Variants in JPH3 observed in about 807,000 individuals in gnomAD.
The protein encoded by JPH3 is junctophilin 3, also known as junctophilin-3.
In JPH3, 11 loss-of-function variants were observed where a neutral mutation model predicts 59.6. That is an observed-to-expected ratio of 0.18 (90% CI 0.12 to 0.31). JPH3 has a LOEUF of 0.31. Among genes scored for constraint, JPH3 ranks in the 10% least tolerant of loss-of-function variants. The probability of loss-of-function intolerance (pLI) is 1.00; values close to 1 mark genes in which losing one functional copy is unlikely to be tolerated. For missense variants in JPH3, 1,202 were observed against 1,105.7 expected (o/e 1.09, Z -1.24); for synonymous variants, 673 against 483.6 (o/e 1.39, Z -5.14).
At chr16:87,626,976 A>G (rs368092501) in intron 1 of JPH3, among the ~76,000 whole-genome samples, 31 of 152,314 alleles carry the variant, frequency 2.0e-4, no homozygotes, top group African/African-American at 7.0e-4. Flanking sequence ...CCCCATCTCT[A>G]TTTATTAAAA....
chr16:87,635,641 C>G (rs1416415756), intron 1 of JPH3, among the ~76,000 whole-genome samples: 2 of 152,212 alleles, frequency 1.3e-5, no homozygotes, highest in Admixed American at 6.5e-5. Flanking sequence ...GGGGTACAGC[C>G]CTGTGGGGAC....
intron 1 of JPH3, among the ~76,000 whole-genome samples, chr16:87,614,776 G>A (rs574149172): frequency 4.2e-5 from 6 of 143,976 alleles, no homozygotes; most frequent in Admixed American, 1.4e-4. Context: ...CTGCACACAC[G>A]AGGAGCCGCG....
rs868412439 is a variant in JPH3, at chr16:87,644,099, C to G, written c.383-159C>G. 3.3e-5 allele frequency among the ~76,000 whole-genome samples: 5 copies of G among 152,360 alleles called. No individual in the cohort carries two copies. In the South Asian group the frequency reaches 1.0e-3, roughly 32 times the overall value. On this transcript the variant is annotated intron_variant, in intron 1 of 4. Coordinates refer to ENST00000284262, the MANE Select transcript of JPH3 (RefSeq NM_020655.4). ...GCTGTCGTGAGCTGTGATGGTCTCA[C>G]TGCACTCCAGCCTGGGCAACACAGC...
Position 87,645,017 on chromosome 16 carries a change from C to G in JPH3, c.1142C>G (p.Ala381Gly), listed in dbSNP as rs758075712. The change falls in exon 2 of 5, where the codon GCT becomes GGT. Residue 381 changes from alanine (A) to glycine (G), a missense_variant. Transcript: ENST00000284262. ...ERAATIAKQK[A>G]EIAASRTSHS... ...GCCGCCACCATCGCCAAGCAGAAGG[C>G]TGAGATCGCGGCTTCCAGGTAGGAG... The G allele has an allele frequency of 1.2e-6, 2 of 1,603,706 alleles. No homozygotes were observed. Among genetic ancestry groups the G allele is most frequent in the Non-Finnish European group, 1.7e-6 (2 of 1,178,890 alleles).
chr16:87,666,534 G>A (rs2032866726), intron 2 of JPH3, among the ~76,000 whole-genome samples: 1 of 151,926 alleles, frequency 6.6e-6, no homozygotes, highest in South Asian at 2.1e-4. Context: ...TGCAACTACA[G>A]GTGTGCACCA....
intron 1 of JPH3, among the ~76,000 whole-genome samples, chr16:87,633,560 G>A (rs1490270135): frequency 1.3e-5 from 2 of 151,968 alleles, no homozygotes; most frequent in Admixed American, 1.3e-4. Flanking sequence ...CCAGTGCTTT[G>A]GGAGGCCGAG....
In JPH3 at chr16:87,617,087, G is replaced by A. The variant is rs559051796; in HGVS notation, c.382+13559G>A. Among the ~76,000 whole-genome samples the A allele has an allele frequency of 4.6e-5, 7 of 150,770 alleles. No homozygotes were observed. In the East Asian group the frequency reaches 7.7e-4, roughly 17 times the overall value. On this transcript the variant is annotated intron_variant, in intron 1 of 4. Transcript: ENST00000284262. The stretch of plus-strand genomic sequence containing the variant: ...TAAAAATGTAAAATTAGCCGGGTGC[G>A]GTGGTGCGTACCTGTAATCACAGCT...
intron 2 of JPH3, among the ~76,000 whole-genome samples, chr16:87,646,719 G>C (rs1234948042): frequency 6.6e-6 from 1 of 152,158 alleles, no homozygotes; most frequent in Non-Finnish European, 1.5e-5. Flanking sequence ...TTGGGGGCTG[G>C]GGGACAGCGG....
intron 2 of JPH3, among the ~76,000 whole-genome samples, chr16:87,669,936 G>A (rs894949517): frequency 6.6e-6 from 1 of 152,280 alleles, no homozygotes; most frequent in African/African-American, 2.4e-5. Context: ...CTCAGAGGCC[G>A]TGGGTGTGCC....
At chr16:87,621,145 C>G (rs1034256505) in intron 1 of JPH3, among the ~76,000 whole-genome samples, 1 of 151,072 alleles carries the variant, frequency 6.6e-6, no homozygotes, top group Non-Finnish European at 1.5e-5. Context: ...GGCAACAGAG[C>G]GAGACTCTGT....
chr16:87,669,386 C>A (rs2032957022), intron 2 of JPH3, among the ~76,000 whole-genome samples: 1 of 152,198 alleles, frequency 6.6e-6, no homozygotes, highest in Non-Finnish European at 1.5e-5. Context: ...CATCTTTAGG[C>A]TAAAAGCCTA....
chr16:87,689,426 G>T (rs1597293153), intron 3 of JPH3, among the ~76,000 whole-genome samples: 1 of 152,142 alleles, frequency 6.6e-6, no homozygotes, highest in African/African-American at 2.4e-5. Context: ...GGCCTAGCCA[G>T]TCTCCCTCCA....
chr16:87,662,620 C>A (rs2032741015), intron 2 of JPH3, among the ~76,000 whole-genome samples: 1 of 152,222 alleles, frequency 6.6e-6, no homozygotes. Context: ...GGTGGCCCCT[C>A]CAGAGTCTGT....
intron 1 of JPH3, among the ~76,000 whole-genome samples, chr16:87,633,671 C>T (rs1001351870): frequency 4.0e-5 from 6 of 151,772 alleles, no homozygotes; most frequent in East Asian, 1.9e-4. Flanking sequence ...TGGTGGCGGG[C>T]GCCTGTAGTA....
intron 1 of JPH3, among the ~76,000 whole-genome samples, chr16:87,615,520 G>A (rs1052570603): frequency 5.3e-5 from 8 of 152,126 alleles, no homozygotes; most frequent in South Asian, 2.1e-4. Context: ...CATTTGTTTC[G>A]TCTCCTTGTG....
intron 2 of JPH3, among the ~76,000 whole-genome samples, chr16:87,683,427 C>T (rs2033342656): frequency 6.6e-6 from 1 of 151,996 alleles, no homozygotes; most frequent in Admixed American, 6.5e-5. Flanking sequence ...TCCTCAGCCT[C>T]CTGAGTAGCT....
chr16:87,604,705 C>G, intron 1 of JPH3: 1 of 1,113,920 alleles, frequency 9.0e-7, no homozygotes, highest in Non-Finnish European at 1.1e-6. Context: ...GCTCCACGGC[C>G]ACATCCAGGA....
intron 1 of JPH3, among the ~76,000 whole-genome samples, chr16:87,636,802 G>T (rs540224379): frequency 1.3e-5 from 2 of 152,254 alleles, no homozygotes; most frequent in African/African-American, 4.8e-5. Context: ...CCAGAGCTCC[G>T]TCAGTTCATG....
chr16:87,606,056 T>C (rs2030507825), intron 1 of JPH3, among the ~76,000 whole-genome samples: 1 of 152,144 alleles, frequency 6.6e-6, no homozygotes, highest in Non-Finnish European at 1.5e-5. Context: ...AAGGGGGTGA[T>C]TATGGCACTG....
Sources: gnomAD v4.1 joint callset for allele counts (sites outside exome capture counted in the v4.1 genomes callset) on GRCh38, gnomAD v4.1.1 for gene constraint, MANE v1.5 for transcripts, NCBI Gene and HGNC (gene_info 2026-07-23, HGNC 2026-07-21) for gene names.